GULP1: variants seen among roughly 807,000 people sequenced by gnomAD.
GULP1 encodes the protein PTB domain-containing engulfment adapter protein 1.
In GULP1, 19 loss-of-function variants were observed where a neutral mutation model predicts 40.9. The observed-to-expected ratio is 0.46, with a 90% CI of 0.32 to 0.68. The LOEUF (loss-of-function observed/expected upper bound fraction) is 0.68, where lower values mean the gene tolerates loss of function less well. Ranked by LOEUF, GULP1 falls within the 30% of genes least tolerant of loss-of-function variation. The probability of loss-of-function intolerance (pLI) is 0.03; values close to 1 mark genes in which losing one functional copy is unlikely to be tolerated. For missense variants in GULP1, 312 were observed against 362.2 expected (o/e 0.86, Z 1.12); for synonymous variants, 119 against 117.6 (o/e 1.01, Z -0.08).
At chr2:188,437,035 A>G (rs2057471901) in intron 2 of GULP1, among the ~76,000 whole-genome samples, 1 of 152,112 alleles carries the variant, frequency 6.6e-6, no homozygotes, top group African/African-American at 2.4e-5. Context: ...GCTTTACCAT[A>G]TCAGTTCTGG....
rs147288467 is a variant in GULP1 at position 188,585,673 on chromosome 2, T to A, written c.748+1270T>A. ...AGTGGCTGGGATGCAGGACATCAAG[T>A]CCTGAGGTTGCACAGAGCAGCAGGG... On this transcript the variant is annotated intron_variant, in intron 10 of 11. Coordinates refer to ENST00000409830, the MANE Select transcript of GULP1 (RefSeq NM_016315.4). Among the ~76,000 whole-genome samples the A allele has an allele frequency of 4.3e-4, 66 of 152,252 alleles. 1 individual carries two copies. The East Asian group carries it at 6.6e-3, about 15-fold the overall frequency.
intron 10 of GULP1, among the ~76,000 whole-genome samples, chr2:188,586,471 C>G (rs1438247819): frequency 6.6e-6 from 1 of 152,170 alleles, no homozygotes; most frequent in Non-Finnish European, 1.5e-5. Context: ...AAAAGATCCT[C>G]TGAAATCTAA....
chr2:188,447,236 T>C (rs1429135461), intron 2 of GULP1, among the ~76,000 whole-genome samples: 1 of 152,158 alleles, frequency 6.6e-6, no homozygotes, highest in African/African-American at 2.4e-5. Flanking sequence ...GTAACAGGCT[T>C]CAGAAAACAT....
At chr2:188,565,320 A>C (rs972242299) in intron 7 of GULP1, among the ~76,000 whole-genome samples, 2 of 151,984 alleles carry the variant, frequency 1.3e-5, no homozygotes, top group Non-Finnish European at 2.9e-5. Flanking sequence ...CAGACTATAT[A>C]AAAAACTCCT....
At chr2:188,514,329 G>T (rs2064961131) in intron 4 of GULP1, among the ~76,000 whole-genome samples, 1 of 152,112 alleles carries the variant, frequency 6.6e-6, no homozygotes, top group African/African-American at 2.4e-5. Flanking sequence ...TATGGTGTAG[G>T]AACTTAACTG....
intron 1 of GULP1, among the ~76,000 whole-genome samples, chr2:188,332,708 A>G (rs1298015311): frequency 6.6e-6 from 1 of 151,964 alleles, no homozygotes; most frequent in African/African-American, 2.4e-5. Flanking sequence ...ATCCAAGCAG[A>G]TGTGGGATGG....
intron 1 of GULP1, among the ~76,000 whole-genome samples, chr2:188,364,996 G>A (rs1043568499): frequency 1.4e-4 from 21 of 151,700 alleles, no homozygotes; most frequent in African/African-American, 5.1e-4. Context: ...CACTGGAGTG[G>A]TTGGATAATA....
In GULP1 at chr2:188,325,647, A is replaced by G. The variant is rs538241222; in HGVS notation, c.-172+33481A>G. 1.2e-4 allele frequency among the ~76,000 whole-genome samples: 19 copies of G among 152,232 alleles called. No individual in the cohort carries two copies. In the South Asian group the frequency reaches 3.7e-3, roughly 30 times the overall value. On this transcript the variant is annotated intron_variant, in intron 1 of 11. Transcript: ENST00000409830. ...TAGACCGGTAGAGCCAGTATATTCTAAAGCTTCTCTTGGCTTTTTATCCTA... is the reference window on the plus strand; with the variant it reads ...TAGACCGGTAGAGCCAGTATATTCTGAAGCTTCTCTTGGCTTTTTATCCTA...
intron 1 of GULP1, among the ~76,000 whole-genome samples, chr2:188,320,176 C>A (rs2039759347): frequency 6.6e-6 from 1 of 152,076 alleles, no homozygotes; most frequent in South Asian, 2.1e-4. Flanking sequence ...TGCCAAATGT[C>A]CCCTAGGGAG....
chr2:188,317,142 T>G (rs1297581865), intron 1 of GULP1, among the ~76,000 whole-genome samples: 2 of 152,172 alleles, frequency 1.3e-5, no homozygotes, highest in East Asian at 1.9e-4. Context: ...ATGATGTATG[T>G]AGCCCTGCAC....
At chr2:188,579,739 T>G (rs912229717) in intron 9 of GULP1, among the ~76,000 whole-genome samples, 1 of 152,178 alleles carries the variant, frequency 6.6e-6, no homozygotes, top group African/African-American at 2.4e-5. Context: ...ACTTGATTAT[T>G]TTTATATTAT....
At chr2:188,510,111 A>C (rs7566545) in intron 4 of GULP1, among the ~76,000 whole-genome samples, 1,705 of 152,206 alleles carry the variant, frequency 0.011, 37 homozygotes, top group African/African-American at 0.038. Context: ...ATAAGAGATA[A>C]ATTTATCTCA....
chr2:188,415,507 T>TAAAA (rs112509471), intron 2 of GULP1, among the ~76,000 whole-genome samples: 1 of 144,558 alleles, frequency 6.9e-6, no homozygotes, highest in Non-Finnish European at 1.5e-5. Context: ...CTTAGAAAAT[T>TAAAA]AAAAAAAAAA....
chr2:188,427,546 C>T (rs777583770), intron 2 of GULP1, among the ~76,000 whole-genome samples: 5 of 152,228 alleles, frequency 3.3e-5, no homozygotes, highest in Non-Finnish European at 5.9e-5. Context: ...GCTGCTTCAG[C>T]TCTAGCCATG....
At chr2:188,515,364 A>G (rs919535709) in intron 4 of GULP1, among the ~76,000 whole-genome samples, 2 of 152,136 alleles carry the variant, frequency 1.3e-5, no homozygotes, top group African/African-American at 2.4e-5. Context: ...GCTCTTTTCA[A>G]TCTCTCAGCC....
intron 3 of GULP1, 119 bp downstream of exon 3, chr2:188,477,849 A>G (rs2061139858): frequency 5.7e-6 from 4 of 704,136 alleles, no homozygotes; most frequent in Non-Finnish European, 7.3e-6. Context: ...AAATGAAGTT[A>G]GATTAGAGCA....
intron 4 of GULP1, among the ~76,000 whole-genome samples, chr2:188,498,159 A>G (rs957078112): frequency 6.6e-5 from 10 of 152,102 alleles, no homozygotes; most frequent in Non-Finnish European, 1.3e-4. Context: ...CAGAGGTAAC[A>G]GTATACTCAG....
intron 4 of GULP1, among the ~76,000 whole-genome samples, chr2:188,502,587 A>G (rs2063533601): frequency 6.6e-6 from 1 of 151,834 alleles, no homozygotes; most frequent in African/African-American, 2.4e-5. Context: ...GTTTTTCTTA[A>G]ATGAGATATA....
In GULP1 at chr2:188,430,528, A is replaced by G. The variant is rs138387720; in HGVS notation, c.-45+46639A>G. 2.6e-5 allele frequency among the ~76,000 whole-genome samples: 4 copies of G among 152,300 alleles called. No homozygotes were observed. The South Asian group carries it at 6.2e-4, about 24-fold the overall frequency. On this transcript the variant is annotated intron_variant, in intron 2 of 11. Transcript: ENST00000409830. ...AGAATATGTGACTCTTAGCGACAAC[A>G]TGGGAAGTTGCCTGGTTATAATGAA...
Sources: gnomAD v4.1 joint callset for allele counts (sites outside exome capture counted in the v4.1 genomes callset) on GRCh38, gnomAD v4.1.1 for gene constraint, MANE v1.5 for transcripts, NCBI Gene and HGNC (gene_info 2026-07-23, HGNC 2026-07-21) for gene names.